The following XIAP variants were observed in gnomAD, a reference collection of about 807,000 sequenced individuals.
XIAP encodes the protein E3 ubiquitin-protein ligase XIAP.
A neutral mutation model predicts 33.1 loss-of-function variants in XIAP; 3 were observed. That is an observed-to-expected ratio of 0.09 (90% CI 0.04 to 0.23). The LOEUF (loss-of-function observed/expected upper bound fraction) is 0.23, where lower values mean the gene tolerates loss of function less well. Among genes scored for constraint, XIAP ranks in the 10% least tolerant of loss-of-function variants. The probability of loss-of-function intolerance (pLI) is 1.00; values close to 1 mark genes in which losing one functional copy is unlikely to be tolerated. For synonymous variants in XIAP, 98 were observed against 121.3 expected (o/e 0.81, Z 1.26); for missense variants, 264 against 363.0 (o/e 0.73, Z 2.22).
intron 1 of XIAP, among the ~76,000 whole-genome samples, chrX:123,861,583 G>A (rs957505901): frequency 3.6e-5 from 4 of 111,811 alleles, no homozygotes; most frequent in African/African-American, 1.3e-4. Context: ...AAGAGAGATA[G>A]AAGACTTTTT....
intron 6 of XIAP, among the ~76,000 whole-genome samples, chrX:123,905,836 A>G (rs1428167833): frequency 8.9e-6 from 1 of 112,451 alleles, no homozygotes; most frequent in Non-Finnish European, 1.9e-5. Context: ...ATACTGTCCT[A>G]TATTGTACTG....
intron 1 of XIAP, among the ~76,000 whole-genome samples, chrX:123,867,073 T>C (rs1455172541): frequency 5.9e-5 from 3 of 50,740 alleles, no homozygotes; most frequent in Admixed American, 5.0e-4. Flanking sequence ...AGTTAACATT[T>C]CTGTTTTTTT....
chrX:123,870,107 G>A (rs1191605755), intron 1 of XIAP, among the ~76,000 whole-genome samples: 3 of 112,289 alleles, frequency 2.7e-5, no homozygotes, highest in Non-Finnish European at 3.8e-5. Flanking sequence ...CTACAGGCAC[G>A]CGCCACCACG....
intron 3 of XIAP, among the ~76,000 whole-genome samples, chrX:123,889,523 CT>C (rs202152660): frequency 7.1e-5 from 7 of 99,032 alleles, no homozygotes; most frequent in Non-Finnish European, 6.2e-5. Flanking sequence ...TATCCCATTT[CT>C]TTTTTTTTTT....
At chrX:123,891,772 G>A (rs1602549805) in intron 4 of XIAP, among the ~76,000 whole-genome samples, 1 of 103,642 alleles carries the variant, frequency 9.6e-6, no homozygotes, top group South Asian at 4.4e-4. Flanking sequence ...CAGTGAGCCA[G>A]GTTCATTCCA....
chrX:123,877,070 T>C lies in XIAP; in HGVS notation c.-32-8561T>C, dbSNP rs1336513780. Among the ~76,000 whole-genome samples, 26 of 104,971 alleles carry C rather than the reference T, an allele frequency of 2.5e-4. No individual in the cohort carries two copies. The Admixed American group carries it at 2.5e-3, about 10-fold the overall frequency. The allele number at this position is 104,971 out of a possible 115,157, so 91.2% of individuals were successfully genotyped here. Reference sequence around the variant, plus strand: ...ACCAGAGTCAGTGAATTAATTGCCTTTTTTTTTTTTTTTGAGACAGAGTTT... The same window carrying C: ...ACCAGAGTCAGTGAATTAATTGCCTCTTTTTTTTTTTTTGAGACAGAGTTT... On this transcript the variant is annotated intron_variant, in intron 1 of 6. Transcript: ENST00000371199.
In XIAP at chrX:123,892,933, G is replaced by T. The variant is rs183925399; in HGVS notation, c.1099+160G>T. Among the ~76,000 whole-genome samples the T allele has an allele frequency of 8.5e-4, 94 of 110,632 alleles. 2 individuals are homozygous for T. Among genetic ancestry groups the T allele is most frequent in the Admixed American group, 3.1e-3 (32 of 10,257 alleles). ...CCTCCCGGGTTCAACCGATTCTCCT[G>T]CCTCAACCTCCCGAGTAGCTGGGAC... On this transcript the variant is annotated intron_variant, in intron 5 of 6. Transcript: ENST00000371199.
chrX:123,910,604 T>C lies in XIAP; in HGVS notation c.*3423T>C, dbSNP rs779230628. ...ATAAAATGGGGCTGGGCTCAGTGGC[T>C]CACGCCTGTAATCCCAGCACTTTGG... On this transcript the variant is annotated 3_prime_UTR_variant, in exon 7 of 7. Coordinates refer to ENST00000371199, the MANE Select transcript of XIAP (RefSeq NM_001167.4). 3.0e-6 allele frequency: 1 copy of C among 329,412 alleles called. No individual in the cohort carries two copies. Among genetic ancestry groups the C allele is most frequent in the Non-Finnish European group, 5.9e-6 (1 of 169,968 alleles). 27.1% of individuals were successfully genotyped at this position (329,412 alleles called of 1,213,427 possible). A position where few individuals can be genotyped will look rare whatever the true frequency, so the allele number is the denominator to read the frequency against.
intron 6 of XIAP, among the ~76,000 whole-genome samples, chrX:123,906,056 A>G (rs1198037461): frequency 1.8e-5 from 2 of 112,980 alleles, no homozygotes; most frequent in Admixed American, 1.9e-4. Context: ...GTATAGTTAA[A>G]ATATGTAATG....
At chrX:123,871,572 C>T (rs2053193692) in intron 1 of XIAP, among the ~76,000 whole-genome samples, 1 of 107,941 alleles carries the variant, frequency 9.3e-6, no homozygotes, top group Admixed American at 1.0e-4. Context: ...GCTGGAGTGG[C>T]CAGGCTCAAG....
At chrX:123,864,635 AGTGTGTGTGTGTGTGTGTGTGTGT>A (rs748255094) in intron 1 of XIAP, among the ~76,000 whole-genome samples, 4 of 84,663 alleles carry the variant, frequency 4.7e-5, no homozygotes, top group Admixed American at 1.4e-4. Flanking sequence ...CCCGGCTTAG[AGTGTGTGTGTGTGTGTGTGTGTGT>A]GTGTGTGTGT....
intron 6 of XIAP, among the ~76,000 whole-genome samples, chrX:123,905,017 T>G (rs772657315): frequency 8.0e-5 from 9 of 112,057 alleles, no homozygotes; most frequent in Non-Finnish European, 1.5e-4. Context: ...CTTTATCTTC[T>G]TATCTCTGAT....
intron 1 of XIAP, among the ~76,000 whole-genome samples, chrX:123,871,801 T>C (rs1328497388): frequency 9.0e-6 from 1 of 111,086 alleles, no homozygotes; most frequent in Non-Finnish European, 1.9e-5. Flanking sequence ...TGCTCGTGAG[T>C]GTCTACAAAA....
intron 1 of XIAP, chrX:123,872,869 C>G (rs984254922): frequency 9.1e-6 from 1 of 110,378 alleles, no homozygotes; most frequent in Admixed American, 9.9e-5. Flanking sequence ...CCCTCTCTCT[C>G]TCTTTTTTTT....
Position 123,911,542 on chromosome X carries a change from G to A in XIAP, c.*4361G>A. 3.1e-6 allele frequency: 1 copy of A among 317,997 alleles called. No homozygotes were observed. 26.2% of individuals were successfully genotyped at this position (317,997 alleles called of 1,213,427 possible). On this transcript the variant is annotated 3_prime_UTR_variant, in exon 7 of 7. Transcript: ENST00000371199. ...TCAATACAAATGTTAGCCAGGCGTG[G>A]TGGCACATGCCCATAGTCGCAGCTA... is the stretch of plus-strand genomic sequence containing the variant.
intron 3 of XIAP, among the ~76,000 whole-genome samples, chrX:123,890,927 C>T (rs1294158208): frequency 7.6e-5 from 8 of 104,710 alleles, no homozygotes; most frequent in Non-Finnish European, 1.2e-4. Flanking sequence ...GGTGACAGAG[C>T]GAGACTCTGT....
chrX:123,864,458 T>TA (rs1286858501), intron 1 of XIAP, among the ~76,000 whole-genome samples: 1 of 83,596 alleles, frequency 1.2e-5, no homozygotes, highest in Non-Finnish European at 2.3e-5. Flanking sequence ...TTCTTCTGTT[T>TA]TTTTTTTTTT....
In XIAP at chrX:123,910,499, T is replaced by C. The variant is rs2053589718; in HGVS notation, c.*3318T>C. 3.1e-6 allele frequency: 1 copy of C among 326,790 alleles called. No individual in the cohort carries two copies. The highest frequency in any genetic ancestry group is 5.9e-6 in the Non-Finnish European group (1 of 169,476). 26.9% of individuals were successfully genotyped at this position (326,790 alleles called of 1,213,427 possible). A position where few individuals can be genotyped will look rare whatever the true frequency, so the allele number is the denominator to read the frequency against. ...TTGTTTTATTTCCTGATTACACAGGTGTTGAATGGGGAAAGGGGCTAGTAT... is the reference window on the plus strand; with the variant it reads ...TTGTTTTATTTCCTGATTACACAGGCGTTGAATGGGGAAAGGGGCTAGTAT... On this transcript the variant is annotated 3_prime_UTR_variant, in exon 7 of 7. Transcript: ENST00000371199.
At chrX:123,877,770 G>A (rs1257303483) in intron 1 of XIAP, among the ~76,000 whole-genome samples, 10 of 110,433 alleles carry the variant, frequency 9.1e-5, no homozygotes, top group Admixed American at 3.9e-4. Flanking sequence ...TCAGGAGGTC[G>A]AGACCATCCT....
Sources: allele counts gnomAD v4.1 joint callset (sites outside exome capture counted in the v4.1 genomes callset), GRCh38; gene constraint gnomAD v4.1.1; transcripts MANE v1.5; gene names NCBI Gene and HGNC (gene_info 2026-07-23, HGNC 2026-07-21).